The following CALD1 variants were observed in gnomAD, a reference collection of about 807,000 sequenced individuals.
CALD1 encodes the protein caldesmon.
CALD1 carries 33 observed loss-of-function variants against 99.9 expected under a neutral mutation model. That is an observed-to-expected ratio of 0.33 (90% CI 0.25 to 0.44). The LOEUF (loss-of-function observed/expected upper bound fraction) is 0.44. Among genes scored for constraint, CALD1 ranks in the 20% least tolerant of loss-of-function variants. CALD1 has a pLI of 1.00. For synonymous variants in CALD1, 310 were observed against 325.0 expected (o/e 0.95, Z 0.50); for missense variants, 861 against 962.1 (o/e 0.89, Z 1.39).
chr7:134,775,395 C>T (rs1796910076), upstream of CALD1, among the ~76,000 whole-genome samples: 4 of 152,118 alleles, frequency 2.6e-5, no homozygotes, highest in South Asian at 4.1e-4. Flanking sequence ...CTACAAAATA[C>T]GTCATTTGGA....
chr7:134,857,563 A>T (rs1019071105), intron 2 of CALD1, among the ~76,000 whole-genome samples: 1 of 151,908 alleles, frequency 6.6e-6, no homozygotes, highest in Non-Finnish European at 1.5e-5. Context: ...TATCTAAATG[A>T]CTCATTACTA....
intron 3 of CALD1, among the ~76,000 whole-genome samples, chr7:134,869,732 C>G (rs753345334): frequency 1.4e-4 from 22 of 152,076 alleles, no homozygotes; most frequent in Non-Finnish European, 2.9e-4. Context: ...AAATTTCACT[C>G]TTTGTTCAAA....
At chr7:134,866,113 C>T (rs758165279) in intron 2 of CALD1, among the ~76,000 whole-genome samples, 20 of 152,310 alleles carry the variant, frequency 1.3e-4, no homozygotes, top group Non-Finnish European at 2.5e-4. Flanking sequence ...TGTCCTCACA[C>T]ACTCCTGCCC....
intron 1 of CALD1, among the ~76,000 whole-genome samples, chr7:134,823,798 T>C (rs1472026776): frequency 6.6e-6 from 1 of 152,212 alleles, no homozygotes; most frequent in Non-Finnish European, 1.5e-5. Flanking sequence ...TTTTGGGGTG[T>C]TCATGTATTT....
In CALD1 at chr7:134,772,094, A is replaced by AC. The variant is rs1451256981; in HGVS notation, c.-130+27732dup. 6.0e-5 allele frequency among the ~76,000 whole-genome samples: 7 copies of AC among 116,150 alleles called. No homozygotes were observed. The South Asian group carries it at 2.3e-3, about 38-fold the overall frequency. The allele number at this position is 116,150 out of a possible 152,430, so 76.2% of individuals were successfully genotyped here. A position where few individuals can be genotyped will look rare whatever the true frequency, so the allele number is the denominator to read the frequency against. ...AGTGAGTGAATCAAAGAATAAATGAACTTTTTTTTTTTTTTTTTGAGACAG... is the reference window on the plus strand; with the variant it reads ...AGTGAGTGAATCAAAGAATAAATGAACCTTTTTTTTTTTTTTTTTGAGACAG... On this transcript the variant is annotated intron_variant, in intron 1 of 13. Transcript: ENST00000417172.
At chr7:134,829,433 T>G (rs945068340) in intron 1 of CALD1, among the ~76,000 whole-genome samples, 1 of 152,194 alleles carries the variant, frequency 6.6e-6, no homozygotes, top group African/African-American at 2.4e-5. Context: ...TATTCCAACT[T>G]TGACTTTGTG....
At chr7:134,790,192 C>A (rs1419721860) in intron 1 of CALD1, among the ~76,000 whole-genome samples, 1 of 151,650 alleles carries the variant, frequency 6.6e-6, no homozygotes, top group African/African-American at 2.4e-5. Context: ...AGAAAAAGTA[C>A]TGAACTTGGG....
chr7:134,901,250 G>A (rs1006773313), intron 3 of CALD1, among the ~76,000 whole-genome samples: 18 of 151,334 alleles, frequency 1.2e-4, no homozygotes, highest in Admixed American at 7.2e-4. Context: ...GACTATTGAC[G>A]TCAAAATCCA....
At chr7:134,776,479 T>C (rs1413104562), upstream of CALD1, among the ~76,000 whole-genome samples, 1 of 152,218 alleles carries the variant, frequency 6.6e-6, no homozygotes, top group Admixed American at 6.5e-5. Flanking sequence ...CATCTCTGGA[T>C]TGGTCTTATC....
the CALD1 span, among the ~76,000 whole-genome samples, chr7:134,738,437 C>A: frequency 6.6e-6 from 1 of 152,170 alleles, no homozygotes; most frequent in Non-Finnish European, 1.5e-5. Context: ...TTTATGTTTT[C>A]TTCAGTTTGA....
intron 2 of CALD1, among the ~76,000 whole-genome samples, chr7:134,856,834 C>T (rs1377939539): frequency 1.3e-5 from 2 of 152,200 alleles, no homozygotes; most frequent in Non-Finnish European, 2.9e-5. Context: ...GCCAGAGAAA[C>T]AGCCTTTTGA....
chr7:134,960,390 T>C (rs960325665), intron 12 of CALD1, 143 bp from the exon 13 acceptor site: 2 of 666,172 alleles, frequency 3.0e-6, no homozygotes, highest in African/African-American at 1.8e-5. Flanking sequence ...GAAAACCAGA[T>C]AACATATTCT....
At chr7:134,912,865 T>G (rs916713687) in intron 3 of CALD1, among the ~76,000 whole-genome samples, 2 of 152,196 alleles carry the variant, frequency 1.3e-5, no homozygotes, top group Non-Finnish European at 2.9e-5. Context: ...AGGCAAATTG[T>G]ATCAAAAAAT....
chr7:134,925,466 T>G (rs1244940746), intron 3 of CALD1, among the ~76,000 whole-genome samples: 1 of 152,156 alleles, frequency 6.6e-6, no homozygotes, highest in Admixed American at 6.5e-5. Context: ...CGTAAAGAAC[T>G]GCCCAAGATG....
At chr7:134,729,981 C>T in the CALD1 span, among the ~76,000 whole-genome samples, 1 of 152,070 alleles carries the variant, frequency 6.6e-6, no homozygotes, top group African/African-American at 2.4e-5. Context: ...AGAGTGCGGT[C>T]CCTGAAGACA....
chr7:134,711,660 C>CTCTCTCTCTCTCTCTCTCTCTCTATA, the CALD1 span, among the ~76,000 whole-genome samples: 3 of 78,354 alleles, frequency 3.8e-5, no homozygotes, highest in African/African-American at 1.8e-4. Context: ...CTCTCTCTCT[C>CTCTCTCTCTCTCTCTCTCTCTCTATA]TATATATATA....
At chr7:134,930,833 A>G (rs1228421856) in intron 4 of CALD1, among the ~76,000 whole-genome samples, 1 of 152,246 alleles carries the variant, frequency 6.6e-6, no homozygotes, top group Non-Finnish European at 1.5e-5. Flanking sequence ...CACTGTTACC[A>G]GATTCTTAAC....
At chr7:134,716,818 T>C in the CALD1 span, among the ~76,000 whole-genome samples, 1 of 152,242 alleles carries the variant, frequency 6.6e-6, no homozygotes, top group Admixed American at 6.5e-5. Context: ...ATATGGATTA[T>C]GTGAATAGTG....
At chr7:134,770,034 T>G (rs1217208040) in intron 1 of CALD1, among the ~76,000 whole-genome samples, 1 of 152,186 alleles carries the variant, frequency 6.6e-6, no homozygotes, top group Non-Finnish European at 1.5e-5. Flanking sequence ...GAACAGAAAT[T>G]TTTATTTCTT....
Sources: gnomAD v4.1 joint callset for allele counts (sites outside exome capture counted in the v4.1 genomes callset) on GRCh38, gnomAD v4.1.1 for gene constraint, MANE v1.5 for transcripts, NCBI Gene and HGNC (gene_info 2026-07-23, HGNC 2026-07-21) for gene names.